Variants in TAMM41 observed in about 807,000 individuals in gnomAD.
TAMM41 encodes TAM41 mitochondrial translocator assembly and maintenance homolog, also known as phosphatidate cytidylyltransferase, mitochondrial.
In TAMM41, 36 loss-of-function variants were observed where a neutral mutation model predicts 44.1. That is an observed-to-expected ratio of 0.82 (90% CI 0.63 to 1.08). TAMM41 has a LOEUF of 1.08. Ranked by LOEUF, TAMM41 falls within the 50% of genes least tolerant of loss-of-function variation. TAMM41 has a pLI of 0.00. For missense variants in TAMM41, 417 were observed against 404.3 expected (o/e 1.03, Z -0.27); for synonymous variants, 164 against 153.1 (o/e 1.07, Z -0.53).
chr3:11,744,004 A>G, the TAMM41 span, among the ~76,000 whole-genome samples: 1 of 152,192 alleles, frequency 6.6e-6, no homozygotes, highest in Admixed American at 6.6e-5. Flanking sequence ...CAGTGCTATT[A>G]TGGTTGCCTT....
chr3:11,825,214 G>C (rs1235736318), intron 4 of TAMM41, among the ~76,000 whole-genome samples: 2 of 152,202 alleles, frequency 1.3e-5, no homozygotes, highest in African/African-American at 2.4e-5. Context: ...GCAATAACTA[G>C]TTTGTACATT....
chr3:11,842,862 A>T (rs1202325436), intron 2 of TAMM41, among the ~76,000 whole-genome samples: 1 of 152,102 alleles, frequency 6.6e-6, no homozygotes, highest in Non-Finnish European at 1.5e-5. Context: ...CCCATATGTC[A>T]TCCCTGGCCC....
the TAMM41 span, among the ~76,000 whole-genome samples, chr3:11,770,677 G>T: frequency 1.3e-5 from 2 of 152,084 alleles, no homozygotes; most frequent in African/African-American, 4.8e-5. Flanking sequence ...AGCTGAGACC[G>T]GCTGAGCCAC....
At chr3:11,742,347 C>CTTATAATGG in the TAMM41 span, among the ~76,000 whole-genome samples, 1 of 150,276 alleles carries the variant, frequency 6.7e-6, no homozygotes, top group Non-Finnish European at 1.5e-5. Context: ...CAGTATGCAA[C>CTTATAATGG]CTTATAGGAC....
intron 1 of TAMM41, 126 bp from the exon 2 acceptor site, chr3:11,844,337 G>T: frequency 1.2e-6 from 1 of 850,370 alleles, no homozygotes; most frequent in Non-Finnish European, 1.8e-6. Flanking sequence ...GCTGTCATCA[G>T]AAATGTGAGC....
At chr3:11,792,470 C>T (rs1263548596) in intron 7 of TAMM41, among the ~76,000 whole-genome samples, 2 of 152,154 alleles carry the variant, frequency 1.3e-5, no homozygotes, top group Admixed American at 1.3e-4. Context: ...AACTCCCTAA[C>T]ACTGCAGGAA....
chr3:11,759,600 T>A, the TAMM41 span, among the ~76,000 whole-genome samples: 1 of 151,936 alleles, frequency 6.6e-6, no homozygotes, highest in Non-Finnish European at 1.5e-5. Context: ...ACATACCAAT[T>A]CCTCCCACCC....
At chr3:11,776,907 G>T in the TAMM41 span, among the ~76,000 whole-genome samples, 1 of 152,188 alleles carries the variant, frequency 6.6e-6, no homozygotes, top group Non-Finnish European at 1.5e-5. Context: ...GATATGGAAA[G>T]ACAAAGACTG....
chr3:11,813,854 G>GTGTGTGTGTA (rs1553573074), intron 5 of TAMM41, among the ~76,000 whole-genome samples: 1 of 144,680 alleles, frequency 6.9e-6, no homozygotes, highest in Non-Finnish European at 1.5e-5. Flanking sequence ...GTGTGTGTGT[G>GTGTGTGTGTA]TGTATGTATG....
rs571466400 is a variant in TAMM41, at chr3:11,816,808, C to A, written c.708+384G>T. On this transcript the variant is annotated intron_variant, in intron 5 of 7. Coordinates refer to ENST00000455809, the MANE Select transcript of TAMM41 (RefSeq NM_001284401.2). ...AAAAAAAAACAACAACAACCAGACA[C>A]CAAACTGTCAGTACAGTTACCTCTG... Among the ~76,000 whole-genome samples, 4 of 152,162 alleles carry A rather than the reference C, an allele frequency of 2.6e-5. No individual in the cohort carries two copies. In the East Asian group the frequency reaches 5.8e-4, roughly 22 times the overall value.
chr3:11,846,540 C>G lies in TAMM41; in HGVS notation c.97G>C (p.Gly33Arg). ...CTCGGCCCTGCCTGGCGGTACACCCCGGAGCCGTAGACGAAAGCCAGACTC... is the reference window on the plus strand; with the variant it reads ...CTCGGCCCTGCCTGGCGGTACACCCGGGAGCCGTAGACGAAAGCCAGACTC... ...ELSLAFVYGS[G>R]VYRQAGPSSD... Residue 33 changes from glycine to arginine, a missense_variant, in exon 1 of 8, where the codon GGG (glycine) becomes CGG (arginine). Transcript: ENST00000455809. The G allele has an allele frequency of 6.2e-7, 1 of 1,614,180 alleles. No homozygotes were observed. Among genetic ancestry groups the G allele is most frequent in the Non-Finnish European group, 8.5e-7 (1 of 1,180,038 alleles).
At chr3:11,728,682 G>A in the TAMM41 span, among the ~76,000 whole-genome samples, 2 of 152,168 alleles carry the variant, frequency 1.3e-5, no homozygotes, top group Non-Finnish European at 2.9e-5. Context: ...GATTGAGGGC[G>A]ATGTTCCAAG....
intron 4 of TAMM41, among the ~76,000 whole-genome samples, chr3:11,820,932 T>A (rs1335250664): frequency 6.6e-6 from 1 of 152,172 alleles, no homozygotes; most frequent in Admixed American, 6.5e-5. Flanking sequence ...AGGGACCTCA[T>A]TACAAGTATG....
the TAMM41 span, among the ~76,000 whole-genome samples, chr3:11,741,967 G>C: frequency 6.7e-6 from 1 of 150,142 alleles, no homozygotes; most frequent in Admixed American, 6.6e-5. Flanking sequence ...TGAGCAGAAC[G>C]GCACAAAATT....
chr3:11,822,037 A>C (rs2078544284), intron 4 of TAMM41, among the ~76,000 whole-genome samples: 2 of 152,322 alleles, frequency 1.3e-5, no homozygotes, highest in African/African-American at 4.8e-5. Context: ...CTTCGTGTTT[A>C]GACCTGGGCC....
chr3:11,809,618 T>C lies in TAMM41; in HGVS notation c.773A>G (p.Gln258Arg). Reference sequence around the variant, plus strand: ...AGGAGGGTCCATAATATGATTTATCTGTTGCTGTAAGGTTTTGGGCAATGT... The same window carrying C: ...AGGAGGGTCCATAATATGATTTATCCGTTGCTGTAAGGTTTTGGGCAATGT... ...LMTLPKTLQQ[Q>R]INHIMDPPGK... is the part of the protein sequence containing the mutation. The change falls in exon 6 of 8, where the codon CAG (glutamine) becomes CGG (arginine). Residue 258 changes from glutamine (Q) to arginine (R), a missense_variant. By Grantham distance (43) the Gln-to-Arg change is conservative. Coordinates refer to ENST00000455809, the MANE Select transcript of TAMM41 (RefSeq NM_001284401.2). 6.2e-7 allele frequency: 1 copy of C among 1,614,162 alleles called. No homozygotes were observed. The highest frequency in any genetic ancestry group is 8.5e-7 in the Non-Finnish European group (1 of 1,180,038).
intron 1 of TAMM41, among the ~76,000 whole-genome samples, chr3:11,845,283 G>T (rs1299961559): frequency 1.3e-5 from 2 of 152,200 alleles, no homozygotes; most frequent in Non-Finnish European, 2.9e-5. Context: ...AGGCGCTAAG[G>T]ATGGGGACTG....
At chr3:11,845,189 G>A (rs2079627173) in intron 1 of TAMM41, 1 of 355,830 alleles carries the variant, frequency 2.8e-6, no homozygotes, top group Non-Finnish European at 5.5e-6. Context: ...GAGCTGACTG[G>A]AGAGAAGAGG....
At chr3:11,759,176 A>G in the TAMM41 span, among the ~76,000 whole-genome samples, 5 of 152,144 alleles carry the variant, frequency 3.3e-5, no homozygotes, top group South Asian at 4.1e-4. Context: ...CATCTTTGTC[A>G]TTAAAAAAAA....
Sources: allele counts gnomAD v4.1 joint callset (sites outside exome capture counted in the v4.1 genomes callset), GRCh38; gene constraint gnomAD v4.1.1; transcripts MANE v1.5; gene names NCBI Gene and HGNC (gene_info 2026-07-23, HGNC 2026-07-21).